HINT3: variants seen among roughly 807,000 people sequenced by gnomAD.
HINT3 encodes histidine triad nucleotide binding protein 3.
HINT3 carries 16 observed loss-of-function variants against 19.1 expected under a neutral mutation model. That is an observed-to-expected ratio of 0.84 (90% CI 0.57 to 1.27). The LOEUF is 1.27. Among genes scored for constraint, HINT3 ranks in the 50% most tolerant of loss-of-function variants. The pLI, the probability that HINT3 is intolerant of heterozygous loss-of-function variation, is 0.00. For missense variants in HINT3, 197 were observed against 225.8 expected (o/e 0.87, Z 0.82); for synonymous variants, 75 against 84.8 (o/e 0.88, Z 0.63).
chr6:125,977,193 A>C (rs2128712299), intron 4 of HINT3, among the ~76,000 whole-genome samples: 1 of 152,250 alleles, frequency 6.6e-6, no homozygotes, highest in Admixed American at 6.5e-5. Context: ...CTGCTCTAAA[A>C]ATCCTCTGTA....
At chr6:125,960,655 T>TGGAG (rs1554209587) in intron 1 of HINT3, among the ~76,000 whole-genome samples, 1 of 76,212 alleles carries the variant, frequency 1.3e-5, no homozygotes, top group East Asian at 9.3e-4. Context: ...AGACTCTCTC[T>TGGAG]GGGGGGGGGG....
At chr6:125,960,193 G>C (rs1289181855) in intron 1 of HINT3, among the ~76,000 whole-genome samples, 1 of 152,206 alleles carries the variant, frequency 6.6e-6, no homozygotes, top group Non-Finnish European at 1.5e-5. Flanking sequence ...AGCGGGTCAC[G>C]TGAGGTTGAG....
chr6:125,963,084 G>A (rs529273042), intron 1 of HINT3, among the ~76,000 whole-genome samples: 3 of 152,236 alleles, frequency 2.0e-5, no homozygotes, highest in African/African-American at 7.2e-5. Flanking sequence ...TAGCATCCCC[G>A]ATCTCGGCGC....
At chr6:125,971,594 G>A (rs1345411020) in intron 2 of HINT3, among the ~76,000 whole-genome samples, 2 of 151,480 alleles carry the variant, frequency 1.3e-5, no homozygotes, top group African/African-American at 4.9e-5. Context: ...GAGTGCAGTG[G>A]CACAATCATA....
At chr6:125,968,328 G>T (rs1413461514) in intron 2 of HINT3, among the ~76,000 whole-genome samples, 1 of 152,194 alleles carries the variant, frequency 6.6e-6, no homozygotes, top group Non-Finnish European at 1.5e-5. Flanking sequence ...CCATGCTGCT[G>T]CAAAGGAGAT....
chr6:125,968,549 G>A (rs1408329450), intron 2 of HINT3, among the ~76,000 whole-genome samples: 3 of 152,034 alleles, frequency 2.0e-5, no homozygotes, highest in Admixed American at 6.6e-5. Context: ...TTGCTGGGTC[G>A]AATGGTAGTT....
At chr6:125,963,556 A>T (rs1423190425) in intron 1 of HINT3, among the ~76,000 whole-genome samples, 1 of 152,218 alleles carries the variant, frequency 6.6e-6, no homozygotes, top group Admixed American at 6.5e-5. Context: ...GTCAGTGGTG[A>T]TAATGAAGTC....
chr6:125,967,866 A>G (rs1464896959), intron 2 of HINT3, among the ~76,000 whole-genome samples: 2 of 152,158 alleles, frequency 1.3e-5, no homozygotes, highest in Admixed American at 6.5e-5. Flanking sequence ...AATCTTGTCT[A>G]TTAAGGATGA....
In HINT3 at chr6:125,966,932, C is replaced by A. The variant is rs1420842772; in HGVS notation, c.247C>A (p.His83Asn). 6 of 1,612,982 alleles carry A rather than the reference C, an allele frequency of 3.7e-6. No individual in the cohort carries two copies. Among genetic ancestry groups the A allele is most frequent in the Non-Finnish European group, 5.1e-6 (6 of 1,179,594 alleles). ...CAAAGATATCAAACCAGCAGCAACT[C>A]ATCATTATCTTGTGGTGCCAAAGAA... ...CFKDIKPAAT[H>N]HYLVVPKKHI... The change falls in exon 2 of 5, where the codon CAT becomes AAT. Residue 83 changes from histidine (H) to asparagine (N), a missense_variant. By Grantham distance (68) the His-to-Asn change is moderately conservative. Coordinates refer to ENST00000229633, the MANE Select transcript of HINT3 (RefSeq NM_138571.5).
intron 1 of HINT3, among the ~76,000 whole-genome samples, chr6:125,962,197 T>TAC (rs1788940283): frequency 2.1e-5 from 1 of 48,092 alleles, no homozygotes; most frequent in South Asian, 6.1e-4. Context: ...CACATATATA[T>TAC]ATATATATAT....
chr6:125,973,945 T>C (rs1789144996), intron 3 of HINT3, among the ~76,000 whole-genome samples: 1 of 152,192 alleles, frequency 6.6e-6, no homozygotes, highest in Admixed American at 6.5e-5. Context: ...TGATTCTACA[T>C]TATATGACTG....
chr6:125,968,923 T>G (rs961127172), intron 2 of HINT3, among the ~76,000 whole-genome samples: 1 of 152,230 alleles, frequency 6.6e-6, no homozygotes, highest in African/African-American at 2.4e-5. Flanking sequence ...CTTTGTCAGA[T>G]GCATAGTTTG....
intron 2 of HINT3, among the ~76,000 whole-genome samples, chr6:125,967,407 C>A (rs1042264886): frequency 6.8e-6 from 1 of 146,370 alleles, no homozygotes; most frequent in Non-Finnish European, 1.5e-5. Context: ...TCTCGGCTCA[C>A]TGCGGCCTCT....
intron 1 of HINT3, among the ~76,000 whole-genome samples, chr6:125,958,213 C>A (rs74834724): frequency 2.6e-5 from 4 of 151,946 alleles, no homozygotes; most frequent in African/African-American, 9.7e-5. Context: ...AGAGACCCCC[C>A]GAGAGGTTCA....
Position 125,967,146 on chromosome 6 carries a change from T to C in HINT3, c.319+142T>C, listed in dbSNP as rs1789030164. Reference sequence around the variant, plus strand: ...TTTTTGAAATTTTCACTATAAAGAATTTTAAATTCATTAAAAAATAGTATA... The same window carrying C: ...TTTTTGAAATTTTCACTATAAAGAACTTTAAATTCATTAAAAAATAGTATA... On this transcript the variant is annotated intron_variant, in intron 2 of 4. Coordinates refer to ENST00000229633, the MANE Select transcript of HINT3 (RefSeq NM_138571.5). The C allele has an allele frequency of 1.1e-5, 6 of 532,782 alleles. No homozygotes were observed. The East Asian group carries it at 1.9e-4, about 17-fold the overall frequency. 33.0% of individuals were successfully genotyped at this position (532,782 alleles called of 1,614,324 possible).
chr6:125,970,412 G>A (rs1583590783), intron 2 of HINT3, among the ~76,000 whole-genome samples: 1 of 151,976 alleles, frequency 6.6e-6, no homozygotes, highest in Admixed American at 6.6e-5. Context: ...TAGCTTTTTA[G>A]GAATTTTTCA....
intron 1 of HINT3, among the ~76,000 whole-genome samples, chr6:125,958,766 A>C (rs1348136871): frequency 6.6e-6 from 1 of 152,130 alleles, no homozygotes; most frequent in Non-Finnish European, 1.5e-5. Context: ...CTGGGACCTA[A>C]ATAATGGATA....
chr6:125,971,285 G>A (rs746563546), intron 2 of HINT3, among the ~76,000 whole-genome samples: 1 of 152,160 alleles, frequency 6.6e-6, no homozygotes, highest in African/African-American at 2.4e-5. Flanking sequence ...CTTAATTTGG[G>A]CTCAAAGACA....
intron 1 of HINT3, among the ~76,000 whole-genome samples, chr6:125,964,378 C>T (rs576164737): frequency 1.3e-4 from 17 of 131,468 alleles, no homozygotes; most frequent in African/African-American, 4.8e-4. Flanking sequence ...CATCCATTCT[C>T]TTGTCATCTC....
Sources: gnomAD v4.1 joint callset for allele counts (sites outside exome capture counted in the v4.1 genomes callset) on GRCh38, gnomAD v4.1.1 for gene constraint, MANE v1.5 for transcripts, NCBI Gene and HGNC (gene_info 2026-07-23, HGNC 2026-07-21) for gene names.